The following SLC2A9 variants were observed in gnomAD, a reference collection of about 807,000 sequenced individuals.
The protein encoded by SLC2A9 is solute carrier family 2, facilitated glucose transporter member 9.
A neutral mutation model predicts 50.6 loss-of-function variants in SLC2A9; 39 were observed. The observed-to-expected ratio is 0.77, with a 90% CI of 0.60 to 1.01. SLC2A9 has a LOEUF of 1.01. Ranked by LOEUF, SLC2A9 falls within the 50% of genes least tolerant of loss-of-function variation. The pLI is 0.00. For missense variants in SLC2A9, 686 were observed against 677.6 expected (o/e 1.01, Z -0.14); for synonymous variants, 324 against 276.9 (o/e 1.17, Z -1.69).
chr4:9,948,626 G>T (rs1235409605), intron 5 of SLC2A9, among the ~76,000 whole-genome samples: 1 of 152,204 alleles, frequency 6.6e-6, no homozygotes, highest in Non-Finnish European at 1.5e-5. Context: ...GCTGACTGAT[G>T]TGGGGGCATA....
intron 4 of SLC2A9, 83 bp downstream of exon 4, chr4:9,985,586 T>G (rs2109144057): frequency 6.3e-7 from 1 of 1,576,672 alleles, no homozygotes; most frequent in Non-Finnish European, 8.7e-7. Flanking sequence ...CCCAGTCATG[T>G]GACAGCCCCA....
intron 5 of SLC2A9, among the ~76,000 whole-genome samples, chr4:9,945,526 G>T (rs1183283386): frequency 2.0e-5 from 3 of 152,194 alleles, no homozygotes; most frequent in Admixed American, 2.0e-4. Context: ...GCACAGAGGG[G>T]TTCAATAGCT....
intron 5 of SLC2A9, among the ~76,000 whole-genome samples, chr4:9,951,933 C>T (rs975685934): frequency 1.3e-5 from 2 of 152,222 alleles, no homozygotes; most frequent in African/African-American, 4.8e-5. Context: ...AAGCTGACTG[C>T]CTGGAAGGCA....
rs138940747 is a variant in SLC2A9 at position 9,992,576 on chromosome 4, T to C, written c.410+4205A>G. ...AGTCAAAGAGATTCATGCCTGGGAC[T>C]TTAATCACAACTATCGGAAGGAGAA... On this transcript the variant is annotated intron_variant, in intron 3 of 11. Transcript: ENST00000264784. Among the ~76,000 whole-genome samples, 118 of 152,312 alleles carry C rather than the reference T, an allele frequency of 7.7e-4. No homozygotes were observed. In the Middle Eastern group the frequency reaches 0.02, roughly 26 times the overall value.
chr4:9,796,509 G>A (rs1262193045), downstream of SLC2A9, among the ~76,000 whole-genome samples: 1 of 152,194 alleles, frequency 6.6e-6, no homozygotes, highest in Non-Finnish European at 1.5e-5. Flanking sequence ...GATTAGATGA[G>A]ATTCTTTATA....
In SLC2A9 at chr4:9,845,427, C is replaced by CTTTTTTTTTTTTTTTTTTTTT. The variant is rs1175166447; in HGVS notation, c.1292-10420_1292-10419insAAAAAAAAAAAAAAAAAAAAA. Among the ~76,000 whole-genome samples, 30 of 108,678 alleles carry CTTTTTTTTTTTTTTTTTTTTT rather than the reference C, an allele frequency of 2.8e-4. 4 individuals are homozygous for CTTTTTTTTTTTTTTTTTTTTT. The highest frequency in any genetic ancestry group is 6.5e-4 in the African/African-American group (16 of 24,534). The allele number at this position is 108,678 out of a possible 152,430, so 71.3% of individuals were successfully genotyped here. A position where few individuals can be genotyped will look rare whatever the true frequency, so the allele number is the denominator to read the frequency against. ...CCAATGGAACCACGATCATCAATTTCTTTTTTTTTTTTTTTTTTTTGAGAC... is the reference window on the plus strand; with the variant it reads ...CCAATGGAACCACGATCATCAATTTCTTTTTTTTTTTTTTTTTTTTTTTTTTTTTTTTTTTTTTTTTGAGAC... On this transcript the variant is annotated intron_variant, in intron 10 of 11. Coordinates refer to ENST00000264784, the MANE Select transcript of SLC2A9 (RefSeq NM_020041.3).
intron 3 of SLC2A9, among the ~76,000 whole-genome samples, chr4:9,816,443 A>T (rs1723605097): frequency 6.6e-6 from 1 of 152,190 alleles, no homozygotes; most frequent in Non-Finnish European, 1.5e-5. Context: ...CAGCATGAAT[A>T]AGTTCTGGAG....
chr4:9,897,755 T>C (rs904341228), intron 8 of SLC2A9, among the ~76,000 whole-genome samples: 1 of 152,002 alleles, frequency 6.6e-6, no homozygotes, highest in East Asian at 1.9e-4. Flanking sequence ...CCAGGTGTGG[T>C]GGTGCATGCC....
intron 11 of SLC2A9, among the ~76,000 whole-genome samples, chr4:9,827,090 T>TA (rs1308525004): frequency 1.3e-5 from 2 of 152,210 alleles, no homozygotes; most frequent in African/African-American, 2.4e-5. Context: ...CACTAATTGA[T>TA]ACTCTGAGGC....
chr4:9,871,402 G>A (rs1478481693), intron 10 of SLC2A9, among the ~76,000 whole-genome samples: 5 of 152,152 alleles, frequency 3.3e-5, no homozygotes, highest in African/African-American at 1.2e-4. Context: ...CAAGGTGTTG[G>A]CAGAGTTGGT....
At chr4:9,980,759 G>A (rs371003329) in intron 4 of SLC2A9, 22 bp from the exon 5 acceptor site, 4 of 1,614,066 alleles carry the variant, frequency 2.5e-6, no homozygotes, top group East Asian at 2.2e-5. Context: ...AAGCATAGCA[G>A]CAGTTAGAGA....
At chr4:9,975,852 T>C (rs997599534) in intron 5 of SLC2A9, among the ~76,000 whole-genome samples, 11 of 152,306 alleles carry the variant, frequency 7.2e-5, no homozygotes, top group South Asian at 2.1e-4. Context: ...AACTTAAGTG[T>C]CCATCAATGG....
chr4:9,856,371 A>C (rs746329360), intron 10 of SLC2A9, among the ~76,000 whole-genome samples: 23 of 152,234 alleles, frequency 1.5e-4, no homozygotes, highest in Non-Finnish European at 3.4e-4. Context: ...AAAATGCTCA[A>C]TATCGGTAAT....
At chr4:9,791,321 G>A (rs1577291076) in intron 3 of SLC2A9, among the ~76,000 whole-genome samples, 2 of 152,202 alleles carry the variant, frequency 1.3e-5, no homozygotes, top group African/African-American at 4.8e-5. Context: ...GCTAATCCAT[G>A]CCTGTTACAC....
upstream of SLC2A9, among the ~76,000 whole-genome samples, chr4:10,021,874 C>G (rs1177249556): frequency 6.7e-6 from 1 of 148,454 alleles, no homozygotes; most frequent in Non-Finnish European, 1.5e-5. Context: ...GAATCTTGCT[C>G]TGTTGCCCGG....
intron 8 of SLC2A9, among the ~76,000 whole-genome samples, chr4:9,895,031 A>T (rs908637540): frequency 6.6e-6 from 1 of 152,206 alleles, no homozygotes; most frequent in African/African-American, 2.4e-5. Flanking sequence ...TGAAGTTTTT[A>T]AAAAAGAGTT....
chr4:9,943,739 G>T (rs1748608838), intron 5 of SLC2A9, among the ~76,000 whole-genome samples: 1 of 152,214 alleles, frequency 6.6e-6, no homozygotes, highest in African/African-American at 2.4e-5. Flanking sequence ...AGGCCTGTGT[G>T]TGGTGGTGTT....
chr4:9,867,739 C>T (rs1577607914), intron 10 of SLC2A9, among the ~76,000 whole-genome samples: 2 of 152,330 alleles, frequency 1.3e-5, no homozygotes, highest in Non-Finnish European at 2.9e-5. Context: ...GACTGCCTGA[C>T]TGCCTGGGAG....
chr4:9,793,764 T>C (rs910334601), intron 3 of SLC2A9, among the ~76,000 whole-genome samples: 4 of 152,170 alleles, frequency 2.6e-5, no homozygotes, highest in Non-Finnish European at 4.4e-5. Context: ...CTAAAGGGAA[T>C]GAAGATTTAA....
Sources: gnomAD v4.1 joint callset for allele counts (sites outside exome capture counted in the v4.1 genomes callset) on GRCh38, gnomAD v4.1.1 for gene constraint, MANE v1.5 for transcripts, NCBI Gene and HGNC (gene_info 2026-07-23, HGNC 2026-07-21) for gene names.